CCSER1: variants seen among roughly 807,000 people sequenced by gnomAD.
CCSER1 encodes coiled-coil serine rich protein 1, also known as serine-rich coiled-coil domain-containing protein 1.
A neutral mutation model predicts 82.0 loss-of-function variants in CCSER1; 41 were observed. The ratio of observed to expected loss-of-function variants is 0.50; its 90% CI spans 0.39 to 0.65. The LOEUF is 0.65. Ranked by LOEUF, CCSER1 falls within the 30% of genes least tolerant of loss-of-function variation. The pLI is 0.00. For synonymous variants in CCSER1, 414 were observed against 383.9 expected, an observed-to-expected ratio of 1.08 and a Z score of -0.92; for missense variants, 1,119 against 1,064.2, an observed-to-expected ratio of 1.05 and a Z score of -0.72.
rs1306983552 is a variant in CCSER1 at position 91,599,905 on chromosome 4, T to G, written c.*848T>G. The G allele has an allele frequency of 6.6e-6, 1 of 152,186 alleles. No homozygotes were observed. The highest frequency in any genetic ancestry group is 1.5e-5 in the Non-Finnish European group (1 of 68,016). The allele number at this position is 152,186 out of a possible 1,614,324, so 9.4% of individuals were successfully genotyped here. A position where few individuals can be genotyped will look rare whatever the true frequency, so the allele number is the denominator to read the frequency against. On this transcript the variant is annotated 3_prime_UTR_variant, in exon 11 of 11. Transcript: ENST00000509176. ...TGGCAATATAAACATTTTTTCAAAA[T>G]TTCAAGGATGAAACATCCTAAGAAA...
intron 10 of CCSER1, among the ~76,000 whole-genome samples, chr4:91,347,967 CT>C (rs1748175013): frequency 2.0e-5 from 3 of 151,630 alleles, no homozygotes; most frequent in Admixed American, 2.0e-4. Flanking sequence ...TTTTTATTTC[CT>C]TTTTTGTTGT....
At chr4:90,599,222 T>C (rs1783745752) in intron 5 of CCSER1, among the ~76,000 whole-genome samples, 1 of 152,144 alleles carries the variant, frequency 6.6e-6, no homozygotes, top group South Asian at 2.1e-4. Flanking sequence ...CAGGTGGTGA[T>C]CCTACATGTT....
At position 91,232,084 on chromosome 4, in the gene CCSER1, T is replaced by C. The variant is rs934250037; in HGVS notation, c.2217+146090T>C. Among the ~76,000 whole-genome samples the C allele has an allele frequency of 2.6e-5, 4 of 151,838 alleles. No homozygotes were observed. In the South Asian group the frequency reaches 6.2e-4, roughly 24 times the overall value. On this transcript the variant is annotated intron_variant, in intron 10 of 10. Transcript: ENST00000509176. Reference sequence around the variant, plus strand: ...CAGGTTAGCAAAAACTAAAAAGTTTTATAATTTACTATTTTGGCAAGGATA... The same window carrying C: ...CAGGTTAGCAAAAACTAAAAAGTTTCATAATTTACTATTTTGGCAAGGATA...
intron 9 of CCSER1, 23 bp from the exon 10 acceptor site, chr4:91,085,927 T>C (rs1723349913): frequency 7.3e-7 from 1 of 1,360,932 alleles, no homozygotes; most frequent in South Asian, 1.3e-5. Flanking sequence ...CCAATAATAA[T>C]ATACTTTGCT....
At chr4:91,448,402 C>G (rs1304409681) in intron 10 of CCSER1, among the ~76,000 whole-genome samples, 1 of 152,026 alleles carries the variant, frequency 6.6e-6, no homozygotes, top group African/African-American at 2.4e-5. Flanking sequence ...CATTTAATTA[C>G]TTAAATAATA....
chr4:91,286,989 A>G (rs1319993999), intron 10 of CCSER1, among the ~76,000 whole-genome samples: 20 of 152,006 alleles, frequency 1.3e-4, no homozygotes, highest in Admixed American at 9.9e-4. Flanking sequence ...AGATAGTTCA[A>G]TGTTAACCCA....
At chr4:91,540,481 AATATTTTTTCCGAATGTG>A (rs1405719421) in intron 10 of CCSER1, among the ~76,000 whole-genome samples, 4 of 152,194 alleles carry the variant, frequency 2.6e-5, no homozygotes, top group South Asian at 4.2e-4. Context: ...ATGCGTATTG[AATATTTTTTCCGAATGTG>A]AGGCTTCTCT....
chr4:90,628,270 G>T (rs950554738), intron 6 of CCSER1, 38 bp downstream of exon 6: 1 of 1,510,678 alleles, frequency 6.6e-7, no homozygotes, highest in Non-Finnish European at 9.2e-7. Flanking sequence ...CTTCAGTGCT[G>T]GTAGACAATG....
intron 4 of CCSER1, among the ~76,000 whole-genome samples, chr4:90,465,170 A>G (rs903502460): frequency 1.3e-5 from 2 of 151,800 alleles, no homozygotes. Context: ...CACCATGTTG[A>G]CCAGAATGGT....
chr4:90,783,521 C>T (rs1011721165), intron 7 of CCSER1, among the ~76,000 whole-genome samples: 4 of 152,168 alleles, frequency 2.6e-5, no homozygotes, highest in Non-Finnish European at 5.9e-5. Context: ...ACTTTGATGA[C>T]TCTCACCTCT....
At chr4:90,718,469 CTCATTCTACCAAGCA>C (rs1742075854) in intron 6 of CCSER1, among the ~76,000 whole-genome samples, 1 of 152,074 alleles carries the variant, frequency 6.6e-6, no homozygotes. Flanking sequence ...ATAATGAAAA[CTCATTCTACCAAGCA>C]CCTTAATAGT....
intron 10 of CCSER1, among the ~76,000 whole-genome samples, chr4:91,475,585 T>A (rs1363598457): frequency 6.6e-6 from 1 of 151,904 alleles, no homozygotes; most frequent in Admixed American, 6.6e-5. Context: ...GTTGACCCCC[T>A]GCCACCTTTT....
chr4:90,668,339 A>G (rs1383411996), intron 6 of CCSER1, among the ~76,000 whole-genome samples: 3 of 152,164 alleles, frequency 2.0e-5, no homozygotes, highest in Non-Finnish European at 2.9e-5. Context: ...GCATCCTTCA[A>G]TGGGGAATTA....
chr4:91,259,673 T>C (rs774861560), intron 10 of CCSER1, among the ~76,000 whole-genome samples: 15 of 151,600 alleles, frequency 9.9e-5, no homozygotes, highest in Admixed American at 5.9e-4. Context: ...CTCCCACTTA[T>C]GAGTGAGAAC....
intron 5 of CCSER1, among the ~76,000 whole-genome samples, chr4:90,501,679 C>T (rs1023944972): frequency 6.6e-6 from 1 of 152,224 alleles, no homozygotes; most frequent in Middle Eastern, 3.4e-3. Flanking sequence ...TCATGTGTTT[C>T]TAAGCTGTAC....
intron 10 of CCSER1, among the ~76,000 whole-genome samples, chr4:91,406,804 T>G (rs1269693212): frequency 2.0e-5 from 3 of 152,216 alleles, no homozygotes; most frequent in African/African-American, 7.2e-5. Context: ...GCTATGTAGA[T>G]AAAACTTGAG....
chr4:91,072,243 G>A (rs544121990), intron 9 of CCSER1, among the ~76,000 whole-genome samples: 247 of 152,226 alleles, frequency 1.6e-3, no homozygotes, highest in African/African-American at 5.5e-3. Context: ...AATAATCACA[G>A]ACACACTCTA....
chr4:91,466,920 C>A (rs1351151073), intron 10 of CCSER1, among the ~76,000 whole-genome samples: 1 of 152,132 alleles, frequency 6.6e-6, no homozygotes, highest in Non-Finnish European at 1.5e-5. Flanking sequence ...ATGAAAATGG[C>A]CATACTGCCC....
chr4:91,374,717 C>T (rs763985421), intron 10 of CCSER1, among the ~76,000 whole-genome samples: 18 of 152,138 alleles, frequency 1.2e-4, no homozygotes, highest in African/African-American at 1.9e-4. Flanking sequence ...ACATTTAGGC[C>T]GGGCGTGATG....
Sources: allele counts gnomAD v4.1 joint callset (sites outside exome capture counted in the v4.1 genomes callset), GRCh38; gene constraint gnomAD v4.1.1; transcripts MANE v1.5; gene names NCBI Gene and HGNC (gene_info 2026-07-23, HGNC 2026-07-21).